The following AP2A1 variants were observed in gnomAD, a reference collection of about 807,000 sequenced individuals.
AP2A1 encodes the protein AP-2 complex subunit alpha-1.
In AP2A1, 21 loss-of-function variants were observed where a neutral mutation model predicts 107.3. That is an observed-to-expected ratio of 0.20 (90% CI 0.14 to 0.28). The LOEUF is 0.28. AP2A1 is among the 10% of genes least tolerant of loss of function. AP2A1 has a pLI of 1.00. For synonymous variants in AP2A1, 602 were observed against 564.8 expected, an observed-to-expected ratio of 1.07 and a Z score of -0.93; for missense variants, 873 against 1,307.7, an observed-to-expected ratio of 0.67 and a Z score of 5.13.
rs1351222594 is a variant in AP2A1 at position 49,785,499 on chromosome 19, A to T, written c.473+2775A>T. 2.0e-5 allele frequency among the ~76,000 whole-genome samples: 3 copies of T among 152,192 alleles called. No homozygotes were observed. Among genetic ancestry groups the T allele is most frequent in the Non-Finnish European group, 4.4e-5 (3 of 68,032 alleles). On this transcript the variant is annotated intron_variant, in intron 4 of 22. Coordinates refer to ENST00000354293, the MANE Select transcript of AP2A1 (RefSeq NM_130787.3). The surrounding 1 kb of genome is among the most constrained non-coding windows in gnomAD (Gnocchi z 4.1). The stretch of plus-strand genomic sequence containing the variant: ...GGCAGAACCTGAGTGTGGTTTGGTC[A>T]TGCTGAATTTGAGATGTGTATTAGA...
At chr19:49,783,517 C>T (rs572095533) in intron 4 of AP2A1, among the ~76,000 whole-genome samples, 1 of 152,230 alleles carries the variant, frequency 6.6e-6, no homozygotes, top group African/African-American at 2.4e-5. Flanking sequence ...CAGCTAGATA[C>T]CCGACTCATG....
At chr19:49,775,955 G>A (rs939723088) in intron 1 of AP2A1, among the ~76,000 whole-genome samples, 1 of 152,146 alleles carries the variant, frequency 6.6e-6, no homozygotes, top group Non-Finnish European at 1.5e-5. Context: ...TAGGGAAGGC[G>A]TTATCTCCCC....
At chr19:49,794,541 T>C (rs1279090421) in intron 6 of AP2A1, among the ~76,000 whole-genome samples, 1 of 151,992 alleles carries the variant, frequency 6.6e-6, no homozygotes, top group Non-Finnish European at 1.5e-5. Context: ...ATCTGAGTAC[T>C]GCAGTGTGCC....
At chr19:49,800,316 A>T (rs2073262130) in intron 11 of AP2A1, among the ~76,000 whole-genome samples, 166 bp downstream of exon 11, 1 of 152,162 alleles carries the variant, frequency 6.6e-6, no homozygotes, top group Non-Finnish European at 1.5e-5. Context: ...CAGGGGACCC[A>T]GGGCTATGGT....
At chr19:49,796,106 G>A (rs541203994) in intron 7 of AP2A1, 9 of 250,750 alleles carry the variant, frequency 3.6e-5, no homozygotes, top group East Asian at 2.1e-4. Flanking sequence ...ATTCCAGGCC[G>A]TGCTACCTGA....
chr19:49,782,175 G>T, intron 3 of AP2A1, 86 bp downstream of exon 3: 1 of 889,582 alleles, frequency 1.1e-6, no homozygotes, highest in South Asian at 1.8e-5. Flanking sequence ...GGATCTGGGG[G>T]AGGAGGGGGT....
chr19:49,796,119 T>C lies in AP2A1; in HGVS notation c.814+381T>C, dbSNP rs910975975. On this transcript the variant is annotated intron_variant, in intron 7 of 22. Transcript: ENST00000354293. ...TGATTCCAGGCCGTGCTACCTGAAT[T>C]ACCATAGCCCTGTCAGGGGTTTTCA... The C allele has an allele frequency of 2.1e-5, 5 of 235,618 alleles. No individual in the cohort carries two copies. In the Admixed American group the frequency reaches 2.6e-4, roughly 12 times the overall value. The allele number at this position is 235,618 out of a possible 1,614,324, so 14.6% of individuals were successfully genotyped here.
At position 49,775,575 on chromosome 19, in the gene AP2A1, A is replaced by C. The variant is rs529462470; in HGVS notation, c.68-6182A>C. ...AGTGATCCACCTGCCTCGGCCTCCC[A>C]AAGTGCTGGGATTACAGGTATGAGC... On this transcript the variant is annotated intron_variant, in intron 1 of 22. Coordinates refer to ENST00000354293, the MANE Select transcript of AP2A1 (RefSeq NM_130787.3). Among the ~76,000 whole-genome samples, 3 of 152,218 alleles carry C rather than the reference A, an allele frequency of 2.0e-5. No homozygotes were observed. The East Asian group carries it at 5.8e-4, about 30-fold the overall frequency.
chr19:49,767,469 G>C (rs181811954), intron 1 of AP2A1, among the ~76,000 whole-genome samples: 5 of 152,198 alleles, frequency 3.3e-5, no homozygotes. Context: ...CCGGGGATGG[G>C]AGCATAGAGG....
chr19:49,768,258 G>C (rs1033724631), intron 1 of AP2A1, among the ~76,000 whole-genome samples: 1 of 152,094 alleles, frequency 6.6e-6, no homozygotes, highest in Non-Finnish European at 1.5e-5. Flanking sequence ...CGGCAAGTCA[G>C]CTCTCAACTC....
At position 49,785,015 on chromosome 19, in the gene AP2A1, CA is replaced by C. The variant is rs1264804169; in HGVS notation, c.473+2294del. On this transcript the variant is annotated intron_variant, in intron 4 of 22. Transcript: ENST00000354293. This position sits in a 1 kb window ranked among gnomAD's most constrained non-coding sequence, Gnocchi z 4.1. Reference sequence around the variant, plus strand: ...TGAAGAAAGACATCAAAATGCAGCCCAAAGAAGACAAAGCGATGGGGATTTT... The same window carrying C: ...TGAAGAAAGACATCAAAATGCAGCCCAAGAAGACAAAGCGATGGGGATTTT... 6.6e-6 allele frequency among the ~76,000 whole-genome samples: 1 copy of C among 152,128 alleles called. No homozygotes were observed. The highest frequency in any genetic ancestry group is 1.5e-5 in the Non-Finnish European group (1 of 68,042).
rs1466201102 is a variant in AP2A1, at chr19:49,792,029, G to C, written c.568G>C (p.Ala190Pro). 3 of 1,612,726 alleles carry C rather than the reference G, an allele frequency of 1.9e-6. No homozygotes were observed. Among genetic ancestry groups the C allele is most frequent in the Non-Finnish European group, 2.5e-6 (3 of 1,179,492 alleles). ...PDLVPMGEWT[A>P]RVVHLLNDQH... Reference sequence around the variant, plus strand: ...CCTGGTGCCCATGGGCGAGTGGACGGCGCGTGTGGTACACCTGCTCAATGA... The same window carrying C: ...CCTGGTGCCCATGGGCGAGTGGACGCCGCGTGTGGTACACCTGCTCAATGA... Residue 190 changes from alanine (A) to proline (P), a missense_variant, in exon 5 of 23, where the codon GCG becomes CCG. Ala to Pro is a conservative substitution (Grantham distance 27). Around this residue, in one of 4 missense-constraint regions of AP2A1, gnomAD observed 157 missense variants for 212.6 expected, o/e 0.74. Transcript: ENST00000354293.
At position 49,806,632 on chromosome 19, in the gene AP2A1, C is replaced by T; in HGVS notation, c.2791-49C>T. Reference sequence around the variant, plus strand: ...TCTATCTCCCTTGGGTCCCGACTTCCCTGGGCTCCCCATCTCCTCTGAGTT... The same window carrying T: ...TCTATCTCCCTTGGGTCCCGACTTCTCTGGGCTCCCCATCTCCTCTGAGTT... On this transcript the variant is annotated intron_variant, in intron 22 of 22. Coordinates refer to ENST00000354293, the MANE Select transcript of AP2A1 (RefSeq NM_130787.3). 2.5e-6 allele frequency: 4 copies of T among 1,610,684 alleles called. No homozygotes were observed. The Middle Eastern group carries it at 6.6e-4, about 265-fold the overall frequency.
intron 1 of AP2A1, among the ~76,000 whole-genome samples, chr19:49,780,351 G>A (rs1384781957): frequency 1.3e-5 from 2 of 152,266 alleles, no homozygotes; most frequent in South Asian, 2.1e-4. Flanking sequence ...GGTGGCAGGA[G>A]CCGAGACCCA....
intron 18 of AP2A1, chr19:49,803,605 C>CTGCT: frequency 1.8e-6 from 1 of 564,856 alleles, no homozygotes; most frequent in Non-Finnish European, 3.2e-6. Flanking sequence ...AGAACTCCAC[C>CTGCT]TGCTCCAGGC....
At chr19:49,806,020 G>C in intron 21 of AP2A1, 79 bp downstream of exon 21, 2 of 1,611,104 alleles carry the variant, frequency 1.2e-6, no homozygotes, top group South Asian at 2.2e-5. Context: ...TGTAAAGTGG[G>C]GCCAATTCCC....
At chr19:49,791,801 C>A in intron 4 of AP2A1, 134 bp from the exon 5 acceptor site, 1 of 1,197,544 alleles carries the variant, frequency 8.4e-7, no homozygotes, top group Non-Finnish European at 1.2e-6. Context: ...CAGACTGGAT[C>A]CTGCGGCCGC....
At chr19:49,768,269 C>T (rs2084523794) in intron 1 of AP2A1, among the ~76,000 whole-genome samples, 1 of 152,058 alleles carries the variant, frequency 6.6e-6, no homozygotes, top group South Asian at 2.1e-4. Flanking sequence ...CTCTCAACTC[C>T]TGGGAATGGC....
chr19:49,789,487 C>T, intron 4 of AP2A1, among the ~76,000 whole-genome samples: 1 of 151,978 alleles, frequency 6.6e-6, no homozygotes, highest in East Asian at 1.9e-4. Context: ...GATGGGGTTT[C>T]ACCATGTTGG....
Sources: allele counts gnomAD v4.1 joint callset (sites outside exome capture counted in the v4.1 genomes callset), GRCh38; gene constraint gnomAD v4.1.1; regional missense constraint gnomAD v4.1.1; non-coding constraint Gnocchi (gnomAD v3.1); transcripts MANE v1.5; gene names NCBI Gene and HGNC (gene_info 2026-07-23, HGNC 2026-07-21).